Variants in ANKRD44 observed in about 807,000 individuals in gnomAD.
ANKRD44 encodes the protein serine/threonine-protein phosphatase 6 regulatory ankyrin repeat subunit B.
In ANKRD44, 35 loss-of-function variants were observed where a neutral mutation model predicts 116.0. That is an observed-to-expected ratio of 0.30 (90% CI 0.23 to 0.40). The LOEUF (loss-of-function observed/expected upper bound fraction) is 0.40, where lower values mean the gene tolerates loss of function less well. Among genes scored for constraint, ANKRD44 ranks in the 10% least tolerant of loss-of-function variants. ANKRD44 has a pLI of 1.00. For synonymous variants in ANKRD44, 435 were observed against 461.8 expected, an observed-to-expected ratio of 0.94 and a Z score of 0.74; for missense variants, 1,014 against 1,242.6, an observed-to-expected ratio of 0.82 and a Z score of 2.77.
intron 26 of ANKRD44, among the ~76,000 whole-genome samples, chr2:196,994,174 T>C (rs1203524719): frequency 6.6e-6 from 1 of 152,228 alleles, no homozygotes; most frequent in Admixed American, 6.5e-5. Flanking sequence ...TGCTATATAC[T>C]GCTTAAGAAT....
intron 10 of ANKRD44, among the ~76,000 whole-genome samples, chr2:197,098,075 C>T (rs1370016952): frequency 6.6e-6 from 1 of 152,190 alleles, no homozygotes; most frequent in African/African-American, 2.4e-5. Context: ...ATCTAGCAAA[C>T]TCCTATATAT....
At chr2:197,183,085 T>C (rs2080554005) in intron 2 of ANKRD44, among the ~76,000 whole-genome samples, 1 of 152,136 alleles carries the variant, frequency 6.6e-6, no homozygotes, top group African/African-American at 2.4e-5. Context: ...AGTCAAGTCA[T>C]GTGGTTAGTG....
intron 7 of ANKRD44, 144 bp from the exon 8 acceptor site, chr2:197,121,688 T>C: frequency 1.3e-6 from 1 of 741,456 alleles, no homozygotes; most frequent in South Asian, 1.8e-5. Flanking sequence ...TGCCCCAGTG[T>C]GGTCATCTTG....
intron 27 of ANKRD44, chr2:196,991,072 C>T: frequency 1.4e-6 from 1 of 723,170 alleles, no homozygotes. Flanking sequence ...GGAGTTACTT[C>T]TCACAAGTCA....
chr2:197,218,955 T>A (rs1259398957), intron 1 of ANKRD44, among the ~76,000 whole-genome samples: 3 of 151,562 alleles, frequency 2.0e-5, no homozygotes, highest in Non-Finnish European at 4.4e-5. Context: ...AGACAGGGTT[T>A]CTCCATGTTG....
At chr2:197,293,435 A>G (rs1054330124) in intron 1 of ANKRD44, among the ~76,000 whole-genome samples, 17 of 152,350 alleles carry the variant, frequency 1.1e-4, no homozygotes, top group African/African-American at 1.2e-4. Flanking sequence ...GAGAGCCTCA[A>G]TGAAGAAACT....
intron 1 of ANKRD44, among the ~76,000 whole-genome samples, chr2:197,193,737 C>CAGG: frequency 6.6e-6 from 1 of 152,136 alleles, no homozygotes; most frequent in African/African-American, 2.4e-5. Flanking sequence ...AAAAACTTAG[C>CAGG]CGGGCCTGGT....
At chr2:196,980,462 T>C (rs2075792808) in intron 21 of ANKRD44, among the ~76,000 whole-genome samples, 1 of 152,254 alleles carries the variant, frequency 6.6e-6, no homozygotes, top group African/African-American at 2.4e-5. Flanking sequence ...GCTTTCTATT[T>C]ATTTAGTTTA....
intron 24 of ANKRD44, 47 bp downstream of exon 24, chr2:196,998,860 G>A (rs1345403911): frequency 3.8e-6 from 6 of 1,595,586 alleles, no homozygotes; most frequent in Admixed American, 1.8e-5. Flanking sequence ...ACATTATTTT[G>A]GTTTTTGCAT....
At chr2:197,181,584 C>G (rs139842993) in intron 2 of ANKRD44, among the ~76,000 whole-genome samples, 187 of 152,222 alleles carry the variant, frequency 1.2e-3, no homozygotes, top group African/African-American at 4.2e-3. Flanking sequence ...AAATTTTAGT[C>G]TCTAAGACTC....
intron 16 of ANKRD44, among the ~76,000 whole-genome samples, chr2:197,062,969 A>G (rs1485415413): frequency 6.6e-6 from 1 of 152,188 alleles, no homozygotes; most frequent in Admixed American, 6.5e-5. Flanking sequence ...TGAAGAGAGT[A>G]GTGGTTCTCC....
intron 2 of ANKRD44, among the ~76,000 whole-genome samples, chr2:197,172,418 G>A (rs529279925): frequency 6.6e-6 from 1 of 152,298 alleles, no homozygotes; most frequent in Non-Finnish European, 1.5e-5. Flanking sequence ...ACTGTTGAGT[G>A]TAGGAGTCTA....
intron 15 of ANKRD44, 149 bp downstream of exon 15, chr2:197,081,496 A>G (rs1284551125): frequency 4.3e-6 from 3 of 694,920 alleles, no homozygotes; most frequent in Non-Finnish European, 7.7e-6. Flanking sequence ...TTAAAAGAAT[A>G]GTTTCTTCCC....
At chr2:197,002,974 T>G (rs1285338806) in intron 21 of ANKRD44, among the ~76,000 whole-genome samples, 1 of 152,090 alleles carries the variant, frequency 6.6e-6, no homozygotes. Context: ...CAATATTGCT[T>G]TTAGACAGAT....
chr2:197,113,409 G>A (rs1451235371), intron 8 of ANKRD44, among the ~76,000 whole-genome samples: 1 of 152,214 alleles, frequency 6.6e-6, no homozygotes, highest in African/African-American at 2.4e-5. Context: ...TCCCTAGGTG[G>A]TGCTATTTCT....
chr2:197,212,407 A>G lies in ANKRD44; in HGVS notation c.28-25301T>C, dbSNP rs1166406081. The stretch of plus-strand genomic sequence containing the variant: ...AAATATTTGAACCCCTATGTATTTA[A>G]TGGTTATCTAGTCAGTCCATTGTTG... On this transcript the variant is annotated intron_variant, in intron 1 of 27. Coordinates refer to ENST00000282272, the MANE Select transcript of ANKRD44 (RefSeq NM_001195144.2). This position sits in a 1 kb window ranked among gnomAD's most constrained non-coding sequence, Gnocchi z 4.8. Among the ~76,000 whole-genome samples, 3 of 152,206 alleles carry G rather than the reference A, an allele frequency of 2.0e-5. No homozygotes were observed. The highest frequency in any genetic ancestry group is 2.9e-5 in the Non-Finnish European group (2 of 68,026).
intron 1 of ANKRD44, among the ~76,000 whole-genome samples, chr2:197,208,294 T>A (rs980038716): frequency 1.3e-5 from 2 of 152,184 alleles, no homozygotes; most frequent in Non-Finnish European, 1.5e-5. Context: ...GGGCTGGTAG[T>A]TTCTTCTTAG....
rs527831182 is a variant in ANKRD44 at position 197,027,445 on chromosome 2, G to T, written c.1651-2178C>A. Among the ~76,000 whole-genome samples the T allele has an allele frequency of 3.3e-5, 5 of 152,244 alleles. No homozygotes were observed. The South Asian group carries it at 1.0e-3, about 32-fold the overall frequency. On this transcript the variant is annotated intron_variant, in intron 16 of 27. Coordinates refer to ENST00000282272, the MANE Select transcript of ANKRD44 (RefSeq NM_001195144.2). Reference sequence around the variant, plus strand: ...TATTTAAAGCCATAAGATTGGATGAGATGAACAGAGTACACAAAGAAGAGA... The same window carrying T: ...TATTTAAAGCCATAAGATTGGATGATATGAACAGAGTACACAAAGAAGAGA...
chr2:197,153,470 G>A (rs1014535538), intron 2 of ANKRD44, among the ~76,000 whole-genome samples: 8 of 152,016 alleles, frequency 5.3e-5, no homozygotes, highest in Non-Finnish European at 1.2e-4. Flanking sequence ...CAGGTACCTC[G>A]GAAGTATTTC....
Sources: allele counts gnomAD v4.1 joint callset (sites outside exome capture counted in the v4.1 genomes callset), GRCh38; gene constraint gnomAD v4.1.1; non-coding constraint Gnocchi (gnomAD v3.1); transcripts MANE v1.5; gene names NCBI Gene and HGNC (gene_info 2026-07-23, HGNC 2026-07-21).